POPDC2: variants seen among roughly 807,000 people sequenced by gnomAD.
POPDC2 encodes popeye domain-containing protein 2.
In POPDC2, 24 loss-of-function variants were observed where a neutral mutation model predicts 30.5. The observed-to-expected ratio is 0.79, with a 90% CI of 0.57 to 1.11. The LOEUF (loss-of-function observed/expected upper bound fraction) is 1.11. POPDC2 is among the 50% of genes least tolerant of loss of function. The probability of loss-of-function intolerance (pLI) is 0.00; values close to 1 mark genes in which losing one functional copy is unlikely to be tolerated. For synonymous variants in POPDC2, 185 were observed against 183.3 expected (o/e 1.01, Z -0.07); for missense variants, 409 against 447.0 (o/e 0.91, Z 0.77).
At chr3:119,660,671 C>CCCCCCCACACCTT (rs1362626158), upstream of POPDC2, 4 of 345,774 alleles carry the variant, frequency 1.2e-5, no homozygotes, top group African/African-American at 2.3e-5. Flanking sequence ...CCTCTCTCCT[C>CCCCCCCACACCTT]CCCACCACCC....
intron 1 of POPDC2, among the ~76,000 whole-genome samples, chr3:119,659,091 T>G (rs2052911112): frequency 6.6e-6 from 1 of 152,158 alleles, no homozygotes; most frequent in African/African-American, 2.4e-5. Flanking sequence ...CAGAGCCCCG[T>G]GATGTTTTCT....
rs1486571656 is a variant in POPDC2, at chr3:119,648,257, C to T, written c.1012G>A (p.Glu338Lys). ...TCCAGCACCAGACTGGTGGAGTCCTCACCCAGTATGCCACTGTCTGGCCTG... is the reference window on the plus strand; with the variant it reads ...TCCAGCACCAGACTGGTGGAGTCCTTACCCAGTATGCCACTGTCTGGCCTG... ...LSRPDSGILG[E>K]DSTSLVLEDF... Residue 338 changes from glutamate to lysine, a missense_variant, in exon 3 of 4, where the codon GAG (glutamate) becomes AAG (lysine). By Grantham distance (56) the Glu-to-Lys change is moderately conservative. Transcript: ENST00000493094. 1 of 1,613,112 alleles carries T rather than the reference C, an allele frequency of 6.2e-7. No individual in the cohort carries two copies. The highest frequency in any genetic ancestry group is 2.2e-5 in the East Asian group (1 of 44,874).
Position 119,660,579 on chromosome 3 carries a change from G to C in POPDC2, c.-156C>G. 1.2e-6 allele frequency: 1 copy of C among 824,504 alleles called. No homozygotes were observed. Among genetic ancestry groups the C allele is most frequent in the Non-Finnish European group, 1.8e-6 (1 of 543,162 alleles). The allele number at this position is 824,504 out of a possible 1,614,324, so 51.1% of individuals were successfully genotyped here. On this transcript the variant is annotated 5_prime_UTR_variant, in exon 1 of 4. Transcript: ENST00000493094. ...GAAGGAATGCTTCCGGTGGCTTTGG[G>C]AAGGAATGATGGAACATAGTACACT...
Position 119,660,501 on chromosome 3 carries a change from C to G in POPDC2, c.-78G>C. On this transcript the variant is annotated 5_prime_UTR_variant, in exon 1 of 4. Coordinates refer to ENST00000493094, the MANE Select transcript of POPDC2 (RefSeq NM_001369919.2). ...AATTCAGAAAATGAATGAATCCATC[C>G]GCTCAGGGGTCTTCTCACCTCCGGC... The G allele has an allele frequency of 3.4e-6, 5 of 1,480,648 alleles. No individual in the cohort carries two copies. The highest frequency in any genetic ancestry group is 3.6e-6 in the Non-Finnish European group (4 of 1,110,846). The allele number at this position is 1,480,648 out of a possible 1,614,324, so 91.7% of individuals were successfully genotyped here.
intron 1 of POPDC2, 146 bp from the exon 2 acceptor site, chr3:119,654,759 C>G (rs948296920): frequency 1.6e-5 from 10 of 629,214 alleles, no homozygotes; most frequent in Admixed American, 1.3e-4. Context: ...GCTAGACTAG[C>G]CAGCCTAATT....
At chr3:119,646,589 G>A (rs143675556) in intron 3 of POPDC2, among the ~76,000 whole-genome samples, 175 of 152,192 alleles carry the variant, frequency 1.1e-3, no homozygotes, top group African/African-American at 3.8e-3. Context: ...GCAGTGAGCC[G>A]ACATCATGCC....
chr3:119,647,550 G>A (rs2052759005), intron 3 of POPDC2, among the ~76,000 whole-genome samples: 1 of 152,216 alleles, frequency 6.6e-6, no homozygotes, highest in African/African-American at 2.4e-5. Flanking sequence ...GCAGTATCTA[G>A]TCCTCTGTCT....
chr3:119,645,555 T>A (rs1577166571), intron 3 of POPDC2, among the ~76,000 whole-genome samples: 1 of 115,254 alleles, frequency 8.7e-6, no homozygotes, highest in Admixed American at 1.2e-4. Flanking sequence ...AAAGCGAGAC[T>A]CCGTCTCAAA....
intron 1 of POPDC2, among the ~76,000 whole-genome samples, chr3:119,655,052 C>T (rs940918498): frequency 2.6e-5 from 4 of 152,292 alleles, no homozygotes; most frequent in South Asian, 2.1e-4. Flanking sequence ...GCTGGCCCGG[C>T]GCAGTGGCTC....
intron 3 of POPDC2, among the ~76,000 whole-genome samples, chr3:119,645,862 G>T (rs2052740967): frequency 6.6e-6 from 1 of 152,208 alleles, no homozygotes; most frequent in African/African-American, 2.4e-5. Context: ...TGCCTTCTCA[G>T]ATCAATCCAA....
intron 1 of POPDC2, among the ~76,000 whole-genome samples, chr3:119,659,568 G>T (rs1577174781): frequency 6.6e-6 from 1 of 152,200 alleles, no homozygotes; most frequent in East Asian, 1.9e-4. Flanking sequence ...GTTTTTCAAA[G>T]CTTACAGAGA....
intron 2 of POPDC2, among the ~76,000 whole-genome samples, chr3:119,651,904 G>A (rs1483387920): frequency 6.6e-6 from 1 of 152,090 alleles, no homozygotes; most frequent in African/African-American, 2.4e-5. Flanking sequence ...AAAGTGCTGG[G>A]GTTATAGGTG....
In POPDC2 at chr3:119,660,206, C is replaced by A; in HGVS notation, c.218G>T (p.Cys73Phe). 1 of 1,614,242 alleles carries A rather than the reference C, an allele frequency of 6.2e-7. No homozygotes were observed. ...CCVLWGWFSA[C>F]GLDIVLWSFL... ...GCTCCAAAGAACAATGTCCAGGCCACAGGCACTGAACCAGCCCCACAGCAC... is the reference window on the plus strand; with the variant it reads ...GCTCCAAAGAACAATGTCCAGGCCAAAGGCACTGAACCAGCCCCACAGCAC... Residue 73 changes from cysteine to phenylalanine, a missense_variant, in exon 1 of 4, where the codon TGT (cysteine) becomes TTT (phenylalanine). Transcript: ENST00000493094.
chr3:119,654,633 GAT>G lies in POPDC2; in HGVS notation c.492-22_492-21del. ...CGAACCCTGGCAAGGGAAGAGAAGA[GAT>G]CATGTGGGAAAAGGAAAATGGCTCT... On this transcript the variant is annotated intron_variant, in intron 1 of 3. Coordinates refer to ENST00000493094, the MANE Select transcript of POPDC2 (RefSeq NM_001369919.2). The G allele has an allele frequency of 6.3e-7, 1 of 1,594,666 alleles. No homozygotes were observed. Among genetic ancestry groups the G allele is most frequent in the Non-Finnish European group, 8.6e-7 (1 of 1,162,488 alleles).
At chr3:119,657,763 C>T (rs1248900227) in intron 1 of POPDC2, among the ~76,000 whole-genome samples, 1 of 152,192 alleles carries the variant, frequency 6.6e-6, no homozygotes, top group Non-Finnish European at 1.5e-5. Flanking sequence ...AATCGGAATG[C>T]TGTGCCCTTT....
intron 2 of POPDC2, 148 bp downstream of exon 2, chr3:119,654,357 T>C: frequency 1.6e-6 from 1 of 620,034 alleles, no homozygotes; most frequent in Non-Finnish European, 2.9e-6. Context: ...GCCCAGGAAC[T>C]CTTTTCAGAG....
intron 2 of POPDC2, among the ~76,000 whole-genome samples, chr3:119,654,294 A>G (rs1200630844): frequency 6.6e-6 from 1 of 152,166 alleles, no homozygotes; most frequent in Non-Finnish European, 1.5e-5. Context: ...TACAAGTAAC[A>G]TGGTCTACCC....
chr3:119,656,287 T>A (rs937662170), intron 1 of POPDC2, among the ~76,000 whole-genome samples: 1 of 152,138 alleles, frequency 6.6e-6, no homozygotes, highest in East Asian at 1.9e-4. Context: ...TGTATTTTTT[T>A]AAATAAAGAC....
At chr3:119,658,589 T>C (rs151233955) in intron 1 of POPDC2, among the ~76,000 whole-genome samples, 110 of 152,376 alleles carry the variant, frequency 7.2e-4, no homozygotes, top group African/African-American at 2.5e-3. Flanking sequence ...TCTTTAAGCA[T>C]GGAACTATAG....
Sources: allele counts gnomAD v4.1 joint callset (sites outside exome capture counted in the v4.1 genomes callset), GRCh38; gene constraint gnomAD v4.1.1; transcripts MANE v1.5; gene names NCBI Gene and HGNC (gene_info 2026-07-23, HGNC 2026-07-21).